The following OSBPL10 variants were observed in gnomAD, a reference collection of about 807,000 sequenced individuals.
The protein encoded by OSBPL10 is oxysterol binding protein like 10, also known as oxysterol-binding protein-related protein 10.
Under a neutral mutation model 81.7 loss-of-function variants are expected in OSBPL10, and 49 were observed. That is an observed-to-expected ratio of 0.60 (90% CI 0.48 to 0.76). OSBPL10 has a LOEUF of 0.76. Among genes scored for constraint, OSBPL10 ranks in the 30% least tolerant of loss-of-function variants. OSBPL10 has a pLI of 0.00. For synonymous variants in OSBPL10, 419 were observed against 383.6 expected, an observed-to-expected ratio of 1.09 and a Z score of -1.08; for missense variants, 923 against 987.8, an observed-to-expected ratio of 0.93 and a Z score of 0.88.
At chr3:32,007,852 G>T (rs1699218671) in intron 2 of OSBPL10, among the ~76,000 whole-genome samples, 1 of 151,924 alleles carries the variant, frequency 6.6e-6, no homozygotes, top group African/African-American at 2.4e-5. Flanking sequence ...GATTACAGGT[G>T]CCCGCGACCA....
intron 1 of OSBPL10, among the ~76,000 whole-genome samples, chr3:31,936,598 T>G (rs559621551): frequency 6.6e-6 from 1 of 152,300 alleles, no homozygotes; most frequent in Non-Finnish European, 1.5e-5. Context: ...CACCATCCAT[T>G]TCCATGACAC....
chr3:32,061,930 T>C (rs1699755465), intron 1 of OSBPL10, among the ~76,000 whole-genome samples: 1 of 86,228 alleles, frequency 1.2e-5, no homozygotes, highest in Non-Finnish European at 3.1e-5. Flanking sequence ...TGAGCCACTA[T>C]GTCAAGCTAT....
chr3:31,735,690 G>A (rs1211065883), intron 5 of OSBPL10, among the ~76,000 whole-genome samples: 1 of 151,810 alleles, frequency 6.6e-6, no homozygotes, highest in Admixed American at 6.6e-5. Flanking sequence ...TCTACATCGG[G>A]GAGGAAGTCT....
At chr3:31,774,728 G>T (rs1698500801) in intron 4 of OSBPL10, among the ~76,000 whole-genome samples, 1 of 151,320 alleles carries the variant, frequency 6.6e-6, no homozygotes, top group Admixed American at 6.6e-5. Flanking sequence ...GTCCAGGCTG[G>T]TCTCGCACTC....
intron 2 of OSBPL10, among the ~76,000 whole-genome samples, chr3:32,026,050 AGATAGAT>A (rs1202187262): frequency 8.6e-5 from 10 of 115,876 alleles, no homozygotes; most frequent in South Asian, 2.8e-4. Context: ...ATAGATAGAT[AGATAGAT>A]GATAGATAGA....
intron 2 of OSBPL10, among the ~76,000 whole-genome samples, chr3:32,003,084 G>A (rs1699167595): frequency 6.6e-6 from 1 of 152,240 alleles, no homozygotes; most frequent in Non-Finnish European, 1.5e-5. Flanking sequence ...GCACAGTGAG[G>A]ACTTGGGCAG....
At chr3:31,808,875 C>G (rs1398710954) in intron 4 of OSBPL10, among the ~76,000 whole-genome samples, 1 of 152,246 alleles carries the variant, frequency 6.6e-6, no homozygotes, top group Non-Finnish European at 1.5e-5. Context: ...GAACTGGAAT[C>G]TTGCCCAGAA....
At chr3:31,990,387 A>G in intron 2 of OSBPL10, 2 of 1,613,948 alleles carry the variant, frequency 1.2e-6, no homozygotes, top group Non-Finnish European at 1.7e-6. Flanking sequence ...AATTTTTTAG[A>G]CGTCGTTCAT....
chr3:31,799,200 C>T (rs986361339), intron 4 of OSBPL10, among the ~76,000 whole-genome samples: 2 of 151,988 alleles, frequency 1.3e-5, no homozygotes, highest in African/African-American at 4.8e-5. Context: ...TTTTCCCTCT[C>T]TGGGTCTTAT....
chr3:31,859,308 G>C (rs1701004297), intron 3 of OSBPL10, among the ~76,000 whole-genome samples: 1 of 152,244 alleles, frequency 6.6e-6, no homozygotes, highest in Admixed American at 6.5e-5. Context: ...GGAGCTTCCG[G>C]ATAGCTGAAT....
At chr3:31,921,783 A>T (rs1696923539) in intron 1 of OSBPL10, among the ~76,000 whole-genome samples, 1 of 152,212 alleles carries the variant, frequency 6.6e-6, no homozygotes, top group Non-Finnish European at 1.5e-5. Flanking sequence ...AGGACAGGAG[A>T]GGAGAGAAAC....
intron 1 of OSBPL10, among the ~76,000 whole-genome samples, chr3:31,892,179 A>G (rs1695911003): frequency 1.3e-5 from 2 of 151,958 alleles, no homozygotes; most frequent in Non-Finnish European, 2.9e-5. Flanking sequence ...GAGAGTTCCA[A>G]GCAGAGGAAG....
intron 1 of OSBPL10, among the ~76,000 whole-genome samples, chr3:31,940,949 C>T (rs895113909): frequency 7.9e-5 from 12 of 152,102 alleles, no homozygotes; most frequent in Admixed American, 2.0e-4. Flanking sequence ...ACTCTCTCAT[C>T]TTAAAAAAGG....
At chr3:31,796,957 C>G (rs938639261) in intron 4 of OSBPL10, among the ~76,000 whole-genome samples, 6 of 151,364 alleles carry the variant, frequency 4.0e-5, no homozygotes, top group Non-Finnish European at 7.4e-5. Context: ...GACTGATGAA[C>G]CTTACAAATG....
intron 4 of OSBPL10, among the ~76,000 whole-genome samples, chr3:31,821,970 A>G (rs906839027): frequency 1.3e-5 from 2 of 152,254 alleles, no homozygotes; most frequent in African/African-American, 4.8e-5. Flanking sequence ...TCCTGAAAGG[A>G]GAGAATACTG....
At chr3:31,836,831 T>C (rs1266141298) in intron 3 of OSBPL10, among the ~76,000 whole-genome samples, 2 of 152,190 alleles carry the variant, frequency 1.3e-5, no homozygotes, top group Admixed American at 6.5e-5. Flanking sequence ...CAAGACTCCT[T>C]TTGGATGCTT....
intron 1 of OSBPL10, among the ~76,000 whole-genome samples, chr3:31,930,003 C>CAAACAAAAAAAAAAA (rs1306473764): frequency 1.4e-5 from 1 of 72,574 alleles, no homozygotes; most frequent in Non-Finnish European, 2.6e-5. Flanking sequence ...TGTCACCAAC[C>CAAACAAAAAAAAAAA]AAAAAAAAAA....
chr3:31,783,146 T>TATATACATATATATATATACAC, intron 4 of OSBPL10, among the ~76,000 whole-genome samples: 1 of 113,036 alleles, frequency 8.8e-6, no homozygotes, highest in Non-Finnish European at 1.8e-5. Flanking sequence ...TATATATATA[T>TATATACATATATATATATACAC]ACACACACAC....
chr3:31,719,191 C>G (rs747878008), intron 6 of OSBPL10, among the ~76,000 whole-genome samples: 1 of 152,146 alleles, frequency 6.6e-6, no homozygotes, highest in Non-Finnish European at 1.5e-5. Context: ...GAATCTGACT[C>G]TCAAAACGAT....
Sources: allele counts gnomAD v4.1 joint callset (sites outside exome capture counted in the v4.1 genomes callset), GRCh38; gene constraint gnomAD v4.1.1; transcripts MANE v1.5; gene names NCBI Gene and HGNC (gene_info 2026-07-23, HGNC 2026-07-21).